MREG: variants seen among roughly 807,000 people sequenced by gnomAD.
MREG encodes the protein dilute suppressor protein homolog.
MREG carries 31 observed loss-of-function variants against 28.5 expected under a neutral mutation model. The ratio of observed to expected loss-of-function variants is 1.09; its 90% CI spans 0.82 to 1.47. The LOEUF (loss-of-function observed/expected upper bound fraction) is 1.47. Ranked by LOEUF, MREG falls within the 40% of genes most tolerant of loss-of-function variation. The pLI is 0.00. For synonymous variants in MREG, 106 were observed against 95.2 expected (o/e 1.11, Z -0.66); for missense variants, 256 against 257.4 (o/e 0.99, Z 0.04).
intron 2 of MREG, among the ~76,000 whole-genome samples, chr2:215,957,058 C>G (rs1692644508): frequency 6.6e-6 from 1 of 152,066 alleles, no homozygotes; most frequent in East Asian, 1.9e-4. Flanking sequence ...ACACATTGAG[C>G]CACCATCCAC....
At chr2:216,004,787 T>A (rs546566607) in intron 1 of MREG, among the ~76,000 whole-genome samples, 6 of 152,098 alleles carry the variant, frequency 3.9e-5, no homozygotes, top group Non-Finnish European at 8.8e-5. Flanking sequence ...TAAGCACATA[T>A]GTTTACGCCA....
chr2:215,978,016 G>A (rs1340691602), intron 2 of MREG, among the ~76,000 whole-genome samples: 1 of 151,982 alleles, frequency 6.6e-6, no homozygotes, highest in Non-Finnish European at 1.5e-5. Flanking sequence ...CAGAAGGCAA[G>A]AAATCACTTA....
At chr2:215,988,857 G>A (rs1015970394) in intron 2 of MREG, among the ~76,000 whole-genome samples, 2 of 152,196 alleles carry the variant, frequency 1.3e-5, no homozygotes, top group African/African-American at 4.8e-5. Flanking sequence ...CTCCTCTCTG[G>A]GCAGGGCATA....
chr2:216,027,038 A>G (rs1694607395), intron 1 of MREG, among the ~76,000 whole-genome samples: 1 of 152,250 alleles, frequency 6.6e-6, no homozygotes, highest in African/African-American at 2.4e-5. Context: ...TGTTATGATC[A>G]TATACTCTTT....
At chr2:215,961,489 A>G (rs1228955953) in intron 2 of MREG, among the ~76,000 whole-genome samples, 1 of 151,964 alleles carries the variant, frequency 6.6e-6, no homozygotes, top group Non-Finnish European at 1.5e-5. Flanking sequence ...GCAGTGGCGC[A>G]ATGTTGGCTC....
intron 1 of MREG, 117 bp from the exon 2 acceptor site, chr2:215,996,582 T>TTACA: frequency 1.4e-6 from 1 of 731,646 alleles, no homozygotes; most frequent in Non-Finnish European, 2.1e-6. Context: ...TATAAATATA[T>TTACA]TGTCAAAAAG....
chr2:215,986,000 A>G (rs1207215042), intron 2 of MREG, among the ~76,000 whole-genome samples: 4 of 152,198 alleles, frequency 2.6e-5, no homozygotes, highest in Admixed American at 2.6e-4. Context: ...AACTCATTCA[A>G]AGTTAAAACA....
intron 2 of MREG, among the ~76,000 whole-genome samples, chr2:215,972,126 C>A (rs988658804): frequency 2.7e-4 from 41 of 152,092 alleles, no homozygotes; most frequent in African/African-American, 9.2e-4. Flanking sequence ...ACCTTCAGGA[C>A]CCTGTCTCCT....
chr2:216,026,942 C>T (rs1330529270), intron 1 of MREG, among the ~76,000 whole-genome samples: 2 of 152,172 alleles, frequency 1.3e-5, no homozygotes, highest in Admixed American at 6.5e-5. Flanking sequence ...CTCTGGATAG[C>T]CAAATTATGT....
At chr2:215,992,435 A>C (rs1307853305) in intron 2 of MREG, among the ~76,000 whole-genome samples, 2 of 152,238 alleles carry the variant, frequency 1.3e-5, no homozygotes, top group Non-Finnish European at 1.5e-5. Flanking sequence ...AGAGCTGTTT[A>C]TGACAAACCC....
At chr2:215,982,222 G>A (rs1293241227) in intron 2 of MREG, among the ~76,000 whole-genome samples, 1 of 151,776 alleles carries the variant, frequency 6.6e-6, no homozygotes, top group East Asian at 1.9e-4. Flanking sequence ...TTGGGAGGCT[G>A]AGACAGGAGA....
At chr2:215,946,818 TC>T (rs531614837) in intron 3 of MREG, among the ~76,000 whole-genome samples, 86 of 152,322 alleles carry the variant, frequency 5.6e-4, no homozygotes, top group Non-Finnish European at 1.0e-3. Flanking sequence ...GCAGAGTGTG[TC>T]CTGAAGACAT....
rs961263080 is a variant in MREG, at chr2:215,998,320, A to AAATAAT, written c.96-1861_96-1856dup. 4.0e-3 allele frequency among the ~76,000 whole-genome samples: 551 copies of AAATAAT among 138,876 alleles called. 4 individuals carry two copies. Among genetic ancestry groups the AAATAAT allele is most frequent in the African/African-American group, 0.014 (502 of 36,960 alleles). 91.1% of individuals were successfully genotyped at this position (138,876 alleles called of 152,430 possible). Reference sequence around the variant, plus strand: ...AACTCCATCTCACAAAAAAAAAAAAAAATAATAATAATAATAATAATAATA... The same window carrying AAATAAT: ...AACTCCATCTCACAAAAAAAAAAAAAAATAATAATAATAATAATAATAATAATAATA... On this transcript the variant is annotated intron_variant, in intron 1 of 4. Coordinates refer to ENST00000263268, the MANE Select transcript of MREG (RefSeq NM_018000.3).
intron 2 of MREG, among the ~76,000 whole-genome samples, chr2:215,993,735 C>T (rs1693781852): frequency 6.6e-6 from 1 of 152,106 alleles, no homozygotes; most frequent in Non-Finnish European, 1.5e-5. Context: ...AAAACAACTC[C>T]ATCAAAAAGT....
chr2:215,980,524 T>C (rs1053368641), intron 2 of MREG, among the ~76,000 whole-genome samples: 2 of 152,212 alleles, frequency 1.3e-5, no homozygotes, highest in East Asian at 1.9e-4. Flanking sequence ...CAGGATGATA[T>C]TGAGTGGTTG....
At chr2:216,003,756 C>G (rs1694081696) in intron 1 of MREG, among the ~76,000 whole-genome samples, 2 of 152,116 alleles carry the variant, frequency 1.3e-5, no homozygotes, top group African/African-American at 4.8e-5. Context: ...GACGGCATCC[C>G]CCACTCCCTC....
intron 2 of MREG, among the ~76,000 whole-genome samples, chr2:215,982,243 C>A (rs568436155): frequency 1.1e-4 from 17 of 151,714 alleles, no homozygotes; most frequent in African/African-American, 2.7e-4. Context: ...ATCACTTGAA[C>A]CTGGGAAGCA....
chr2:216,013,312 A>G lies in MREG; in HGVS notation c.16T>C (p.Trp6Arg), dbSNP rs1486285263. Residue 6 changes from tryptophan to arginine, a missense_variant, in exon 1 of 5, where the codon TGG (tryptophan) becomes CGG (arginine). Coordinates refer to ENST00000263268, the MANE Select transcript of MREG (RefSeq NM_018000.3). ...CAGCAGCAGCACACGGTTCTCAGCCAGTCCCTCAGCCCCATGGAGAGCGAG... is the reference window on the plus strand; with the variant it reads ...CAGCAGCAGCACACGGTTCTCAGCCGGTCCCTCAGCCCCATGGAGAGCGAG... The part of the protein sequence containing the change: MGLRD[W>R]LRTVCCCCGC... 6.5e-7 allele frequency: 1 copy of G among 1,548,614 alleles called. No individual in the cohort carries two copies. Among genetic ancestry groups the G allele is most frequent in the Non-Finnish European group, 8.7e-7 (1 of 1,146,264 alleles).
intron 2 of MREG, among the ~76,000 whole-genome samples, chr2:215,969,892 AG>A (rs1230776357): frequency 6.6e-6 from 1 of 152,204 alleles, no homozygotes; most frequent in Non-Finnish European, 1.5e-5. Flanking sequence ...TCAGAGGGAA[AG>A]AAAAAACCTT....
Sources: allele counts gnomAD v4.1 joint callset (sites outside exome capture counted in the v4.1 genomes callset), GRCh38; gene constraint gnomAD v4.1.1; transcripts MANE v1.5; gene names NCBI Gene and HGNC (gene_info 2026-07-23, HGNC 2026-07-21).